CNTN5: variants seen among roughly 807,000 people sequenced by gnomAD.
CNTN5 encodes the protein contactin-5.
In CNTN5, 77 loss-of-function variants were observed where a neutral mutation model predicts 129.1. That is an observed-to-expected ratio of 0.60 (90% CI 0.50 to 0.72). The LOEUF is 0.72. Among genes scored for constraint, CNTN5 ranks in the 30% least tolerant of loss-of-function variants. The pLI, the probability that CNTN5 is intolerant of heterozygous loss-of-function variation, is 0.00. For synonymous variants in CNTN5, 509 were observed against 465.6 expected (o/e 1.09, Z -1.20); for missense variants, 1,478 against 1,328.8 (o/e 1.11, Z -1.75).
chr11:100,040,526 G>T (rs1026758216), intron 9 of CNTN5, among the ~76,000 whole-genome samples: 9 of 152,206 alleles, frequency 5.9e-5, no homozygotes, highest in African/African-American at 2.2e-4. Context: ...GTCTGCAGAG[G>T]TTACTGCTGT....
At chr11:100,214,509 G>GAAT (rs1949100676) in intron 15 of CNTN5, among the ~76,000 whole-genome samples, 1 of 152,174 alleles carries the variant, frequency 6.6e-6, no homozygotes, top group Non-Finnish European at 1.5e-5. Flanking sequence ...CATCCATGAT[G>GAAT]AATAATGTGT....
At chr11:99,911,749 AAAAG>A (rs1352471087) in intron 6 of CNTN5, among the ~76,000 whole-genome samples, 1 of 151,852 alleles carries the variant, frequency 6.6e-6, no homozygotes, top group African/African-American at 2.4e-5. Context: ...AAAAAAAAAA[AAAAG>A]AAAAATAACT....
At chr11:99,891,335 A>T (rs192162725) in intron 6 of CNTN5, among the ~76,000 whole-genome samples, 4 of 151,614 alleles carry the variant, frequency 2.6e-5, no homozygotes, top group East Asian at 1.9e-4. Context: ...ATATCTTTTT[A>T]TTATTATTAT....
chr11:99,757,373 G>A (rs528188310), intron 3 of CNTN5, among the ~76,000 whole-genome samples: 1 of 150,970 alleles, frequency 6.6e-6, no homozygotes, highest in East Asian at 2.0e-4. Context: ...TTCACATGGA[G>A]CTCTTTCTGT....
chr11:99,925,051 C>T (rs762034260), intron 7 of CNTN5, among the ~76,000 whole-genome samples: 41 of 152,256 alleles, frequency 2.7e-4, no homozygotes, highest in Non-Finnish European at 5.4e-4. Flanking sequence ...TCTTGATACA[C>T]CTGACTCCCA....
chr11:99,447,450 A>C (rs1276312284), intron 2 of CNTN5, among the ~76,000 whole-genome samples: 1 of 152,208 alleles, frequency 6.6e-6, no homozygotes, highest in Non-Finnish European at 1.5e-5. Context: ...AAATATAAGA[A>C]GATAATAGAA....
chr11:99,182,777 T>C (rs553285612), intron 1 of CNTN5, among the ~76,000 whole-genome samples: 39 of 152,332 alleles, frequency 2.6e-4, no homozygotes, highest in African/African-American at 8.4e-4. Flanking sequence ...TTTGCTTCAG[T>C]AATAAAAATC....
intron 1 of CNTN5, among the ~76,000 whole-genome samples, chr11:99,034,572 A>T (rs1037366393): frequency 2.6e-5 from 4 of 151,374 alleles, no homozygotes; most frequent in African/African-American, 9.7e-5. Context: ...TGTTTGTAGT[A>T]TTCTCTGATG....
intron 3 of CNTN5, among the ~76,000 whole-genome samples, chr11:99,593,391 C>A (rs1950036561): frequency 6.6e-6 from 1 of 152,104 alleles, no homozygotes; most frequent in Admixed American, 6.5e-5. Context: ...AAGGAACTGT[C>A]AGTTGTTTGA....
chr11:99,033,770 T>G (rs1002917909), intron 1 of CNTN5, among the ~76,000 whole-genome samples: 6 of 152,284 alleles, frequency 3.9e-5, no homozygotes, highest in African/African-American at 1.4e-4. Flanking sequence ...TTCCTTCACC[T>G]GCCTAATTGC....
At chr11:99,861,955 C>A (rs1948220178) in intron 6 of CNTN5, among the ~76,000 whole-genome samples, 1 of 152,006 alleles carries the variant, frequency 6.6e-6, no homozygotes, top group African/African-American at 2.4e-5. Context: ...GTTTAGAAGC[C>A]AAGCTTTAAC....
At chr11:99,676,172 T>C (rs1953275203) in intron 3 of CNTN5, among the ~76,000 whole-genome samples, 1 of 152,216 alleles carries the variant, frequency 6.6e-6, no homozygotes, top group Admixed American at 6.5e-5. Flanking sequence ...ATTACATAAT[T>C]TTCATGCTAG....
At position 99,762,575 on chromosome 11, in the gene CNTN5, T is replaced by C. The variant is rs528025451; in HGVS notation, c.56-56969T>C. Among the ~76,000 whole-genome samples, 162 of 152,130 alleles carry C rather than the reference T, an allele frequency of 1.1e-3. 1 individual carries two copies. The highest frequency in any genetic ancestry group is 3.6e-3 in the African/African-American group (149 of 41,542). On this transcript the variant is annotated intron_variant, in intron 3 of 24. Transcript: ENST00000524871. Reference sequence around the variant, plus strand: ...AGGTTTGTCAAAGATCAGATAGTTGTAGATATGCGGCGTTATTTCTGAGGG... The same window carrying C: ...AGGTTTGTCAAAGATCAGATAGTTGCAGATATGCGGCGTTATTTCTGAGGG...
chr11:99,248,962 C>G (rs1299770083), intron 1 of CNTN5, among the ~76,000 whole-genome samples: 1 of 151,990 alleles, frequency 6.6e-6, no homozygotes, highest in Non-Finnish European at 1.5e-5. Flanking sequence ...TTTTTTGGTT[C>G]CATATGAACT....
chr11:99,956,769 CA>C (rs1426175041), intron 7 of CNTN5, 36 bp from the exon 8 acceptor site: 2 of 1,521,438 alleles, frequency 1.3e-6, no homozygotes, highest in Non-Finnish European at 1.8e-6. Flanking sequence ...ATGAAAAAAT[CA>C]AAGTCTTTCG....
intron 9 of CNTN5, among the ~76,000 whole-genome samples, chr11:100,027,133 A>G (rs1941462958): frequency 6.6e-6 from 1 of 152,136 alleles, no homozygotes; most frequent in Admixed American, 6.5e-5. Flanking sequence ...TACTAACTCC[A>G]TCATATGTGT....
rs372014183 is a variant in CNTN5 at position 100,184,461 on chromosome 11, C to T, written c.1581-6665C>T. Among the ~76,000 whole-genome samples the T allele has an allele frequency of 4.6e-5, 7 of 152,212 alleles. No individual in the cohort carries two copies. The South Asian group carries it at 1.5e-3, about 32-fold the overall frequency. On this transcript the variant is annotated intron_variant, in intron 13 of 24. Transcript: ENST00000524871. The stretch of plus-strand genomic sequence containing the variant: ...AAAAAGAAATCTGATCTGCTGAAAG[C>T]GGATGTATGCCAAGGAATGCAAGTG...
intron 1 of CNTN5, among the ~76,000 whole-genome samples, chr11:99,189,704 A>C (rs904650015): frequency 5.9e-5 from 9 of 151,554 alleles, no homozygotes; most frequent in Non-Finnish European, 1.0e-4. Flanking sequence ...ATACAGGTTG[A>C]ATGTCTTCTT....
At position 99,274,944 on chromosome 11, in the gene CNTN5, C is replaced by T. The variant is rs555953762; in HGVS notation, c.-209-50402C>T. ...ATCACAATAACTTAAAAATAAATTACAACACATCAAAATAGTATTGATAGT... is the reference window on the plus strand; with the variant it reads ...ATCACAATAACTTAAAAATAAATTATAACACATCAAAATAGTATTGATAGT... On this transcript the variant is annotated intron_variant, in intron 1 of 24. Coordinates refer to ENST00000524871, the MANE Select transcript of CNTN5 (RefSeq NM_014361.4). Among the ~76,000 whole-genome samples, 5 of 151,430 alleles carry T rather than the reference C, an allele frequency of 3.3e-5. No individual in the cohort carries two copies. The East Asian group carries it at 9.7e-4, about 30-fold the overall frequency.
Sources: gnomAD v4.1 joint callset for allele counts (sites outside exome capture counted in the v4.1 genomes callset) on GRCh38, gnomAD v4.1.1 for gene constraint, MANE v1.5 for transcripts, NCBI Gene and HGNC (gene_info 2026-07-23, HGNC 2026-07-21) for gene names.